Variants in ADAM12 observed in about 807,000 individuals in gnomAD.
ADAM12 encodes disintegrin and metalloproteinase domain-containing protein 12.
ADAM12 carries 70 observed loss-of-function variants against 106.4 expected under a neutral mutation model. That is an observed-to-expected ratio of 0.66 (90% CI 0.54 to 0.80). The LOEUF is 0.80. Ranked by LOEUF, ADAM12 falls within the 30% of genes least tolerant of loss-of-function variation. The pLI is 0.00. For missense variants in ADAM12, 1,010 were observed against 1,171.9 expected, an observed-to-expected ratio of 0.86 and a Z score of 2.02; for synonymous variants, 420 against 433.5, an observed-to-expected ratio of 0.97 and a Z score of 0.39.
At chr10:126,101,286 A>C in intron 8 of ADAM12, 45 bp from the exon 9 acceptor site, 1 of 1,585,006 alleles carries the variant, frequency 6.3e-7, no homozygotes, top group South Asian at 1.1e-5. Flanking sequence ...GGATCACGTT[A>C]ATAAAAACTC....
At chr10:126,065,662 C>T (rs1175752303) in intron 13 of ADAM12, among the ~76,000 whole-genome samples, 1 of 152,170 alleles carries the variant, frequency 6.6e-6, no homozygotes, top group Non-Finnish European at 1.5e-5. Context: ...GAGTCCTGGG[C>T]TTAGTTCCCT....
intron 3 of ADAM12, among the ~76,000 whole-genome samples, chr10:126,248,382 T>C (rs958742177): frequency 8.5e-5 from 13 of 152,156 alleles, no homozygotes; most frequent in Non-Finnish European, 1.3e-4. Context: ...TCCTTAGGCT[T>C]CTGACTCTCA....
chr10:126,224,569 GT>G (rs377302814), intron 3 of ADAM12, among the ~76,000 whole-genome samples: 9 of 152,338 alleles, frequency 5.9e-5, no homozygotes, highest in African/African-American at 2.2e-4. Flanking sequence ...CTGGGTGGCG[GT>G]GGGGGCGTTG....
intron 2 of ADAM12, among the ~76,000 whole-genome samples, chr10:126,319,581 A>G (rs1277965631): frequency 6.6e-6 from 1 of 152,192 alleles, no homozygotes. Flanking sequence ...ATAAACCGCC[A>G]CAACCAAGAG....
chr10:126,187,584 C>T (rs1055294265), intron 3 of ADAM12, among the ~76,000 whole-genome samples: 1 of 152,174 alleles, frequency 6.6e-6, no homozygotes, highest in Non-Finnish European at 1.5e-5. Flanking sequence ...AACTCCACCC[C>T]TGGGGCTACA....
intron 12 of ADAM12, among the ~76,000 whole-genome samples, chr10:126,068,739 T>C (rs1455943992): frequency 6.6e-6 from 1 of 152,208 alleles, no homozygotes; most frequent in Non-Finnish European, 1.5e-5. Context: ...GCTGCTACAT[T>C]GATTATTTTA....
intron 1 of ADAM12, among the ~76,000 whole-genome samples, chr10:126,343,860 A>G (rs554184949): frequency 1.4e-4 from 21 of 152,026 alleles, no homozygotes; most frequent in African/African-American, 4.8e-4. Context: ...TCCTTCACCC[A>G]CTTTTTGATG....
chr10:126,383,844 TCA>T (rs1469884611), intron 1 of ADAM12, among the ~76,000 whole-genome samples: 11 of 152,246 alleles, frequency 7.2e-5, no homozygotes, highest in Admixed American at 7.2e-4. Flanking sequence ...TTGTTTTTAC[TCA>T]CAGAACTGTT....
intron 3 of ADAM12, among the ~76,000 whole-genome samples, chr10:126,192,996 T>G (rs964891398): frequency 6.6e-6 from 1 of 152,158 alleles, no homozygotes; most frequent in Non-Finnish European, 1.5e-5. Context: ...CTGGGCGCAG[T>G]GGCTCATGCC....
rs148222600 is a variant in ADAM12, at chr10:126,187,463, G to A, written c.261-32158C>T. Among the ~76,000 whole-genome samples, 34 of 152,232 alleles carry A rather than the reference G, an allele frequency of 2.2e-4. 1 individual carries two copies. The highest frequency in any genetic ancestry group is 5.5e-4 in the African/African-American group (23 of 41,532). ...GAAATCAAAATGCTGACACACAGGC[G>A]CCGGGGTGCCCAGCAAGTGGCTGTA... is the stretch of plus-strand genomic sequence containing the variant. On this transcript the variant is annotated intron_variant, in intron 3 of 22. Transcript: ENST00000448723.
intron 5 of ADAM12, among the ~76,000 whole-genome samples, chr10:126,126,963 G>A (rs578183247): frequency 9.1e-4 from 139 of 152,258 alleles, no homozygotes; most frequent in African/African-American, 3.3e-3. Context: ...AGTGGGGCCT[G>A]GGGAGAGCTG....
chr10:126,155,394 T>C (rs1956796871), intron 3 of ADAM12, 89 bp from the exon 4 acceptor site: 6 of 1,211,632 alleles, frequency 5.0e-6, no homozygotes, highest in South Asian at 4.3e-5. Context: ...GGTAGCAAGA[T>C]TGTGACCTCC....
chr10:126,287,594 T>C (rs1241043300), intron 2 of ADAM12, among the ~76,000 whole-genome samples: 1 of 151,970 alleles, frequency 6.6e-6, no homozygotes, highest in Non-Finnish European at 1.5e-5. Flanking sequence ...GGCTCTGGCG[T>C]CTGCTCACCT....
chr10:126,052,998 G>A (rs1954543419), intron 14 of ADAM12, among the ~76,000 whole-genome samples: 1 of 152,172 alleles, frequency 6.6e-6, no homozygotes, highest in African/African-American at 2.4e-5. Flanking sequence ...GGTAGGAGGC[G>A]ATTGGATCAT....
intron 3 of ADAM12, among the ~76,000 whole-genome samples, chr10:126,254,970 T>A (rs1319928011): frequency 6.6e-6 from 1 of 152,162 alleles, no homozygotes; most frequent in African/African-American, 2.4e-5. Context: ...AGAAGTCTCA[T>A]GTTCTGGCCA....
intron 5 of ADAM12, among the ~76,000 whole-genome samples, chr10:126,119,694 T>C (rs1402451567): frequency 6.6e-6 from 1 of 152,214 alleles, no homozygotes; most frequent in Non-Finnish European, 1.5e-5. Flanking sequence ...TGCTGAAGAC[T>C]CTAACTTGCA....
chr10:126,200,593 A>G (rs1590609018), intron 3 of ADAM12, among the ~76,000 whole-genome samples: 1 of 152,274 alleles, frequency 6.6e-6, no homozygotes, highest in East Asian at 1.9e-4. Flanking sequence ...CACACTGTGG[A>G]GCTGCCGTGG....
intron 3 of ADAM12, among the ~76,000 whole-genome samples, chr10:126,169,247 T>C (rs1054403836): frequency 6.6e-6 from 1 of 152,182 alleles, no homozygotes; most frequent in African/African-American, 2.4e-5. Context: ...CCATCCAAAA[T>C]GACAGTATCT....
chr10:126,157,068 A>G (rs1590521014), intron 3 of ADAM12, among the ~76,000 whole-genome samples: 1 of 152,192 alleles, frequency 6.6e-6, no homozygotes, highest in South Asian at 2.1e-4. Flanking sequence ...CCAGAGATGA[A>G]CATGTGACCC....
Sources: gnomAD v4.1 joint callset for allele counts (sites outside exome capture counted in the v4.1 genomes callset) on GRCh38, gnomAD v4.1.1 for gene constraint, MANE v1.5 for transcripts, NCBI Gene and HGNC (gene_info 2026-07-23, HGNC 2026-07-21) for gene names.